The following SLC66A3 variants were observed in gnomAD, a reference collection of about 807,000 sequenced individuals.
SLC66A3 encodes PQ loop repeat containing 3.
SLC66A3 carries 23 observed loss-of-function variants against 25.5 expected under a neutral mutation model. The observed-to-expected ratio is 0.90, with a 90% CI of 0.65 to 1.28. The LOEUF is 1.28. Ranked by LOEUF, SLC66A3 falls within the 50% of genes most tolerant of loss-of-function variation. The pLI is 0.00. For missense variants in SLC66A3, 246 were observed against 262.1 expected (o/e 0.94, Z 0.42); for synonymous variants, 108 against 112.6 (o/e 0.96, Z 0.26).
intron 3 of SLC66A3, 170 bp downstream of exon 3, chr2:11,160,864 G>A: frequency 9.1e-7 from 1 of 1,099,264 alleles, no homozygotes; most frequent in South Asian, 1.7e-5. Context: ...GATGCCCTCA[G>A]TACAGCCCCT....
At chr2:11,177,315 C>G (rs1662790204) in intron 6 of SLC66A3, among the ~76,000 whole-genome samples, 1 of 152,054 alleles carries the variant, frequency 6.6e-6, no homozygotes, top group Non-Finnish European at 1.5e-5. Flanking sequence ...CAAAAAATAG[C>G]CAGGCGTGGT....
chr2:11,176,975 T>A lies in SLC66A3; in HGVS notation c.518-762T>A, dbSNP rs574974149. 1.1e-4 allele frequency among the ~76,000 whole-genome samples: 16 copies of A among 151,922 alleles called. No homozygotes were observed. The East Asian group carries it at 2.9e-3, about 27-fold the overall frequency. ...AAGTCACTGTTAAAGTTATATATAT[T>A]TATTTATTTATTTTTCCACAAAGAG... On this transcript the variant is annotated intron_variant, in intron 6 of 6. Transcript: ENST00000295083.
rs140397789 is a variant in SLC66A3 at position 11,174,914 on chromosome 2, G to C, written c.476-54G>C. The C allele has an allele frequency of 5.6e-4, 726 of 1,288,602 alleles. 3 individuals carry two copies. The African/African-American group carries it at 9.5e-3, about 17-fold the overall frequency. The allele number at this position is 1,288,602 out of a possible 1,614,324, so 79.8% of individuals were successfully genotyped here. On this transcript the variant is annotated intron_variant, in intron 5 of 6. Coordinates refer to ENST00000295083, the MANE Select transcript of SLC66A3 (RefSeq NM_152391.5). ...AAAAGGGAAAGACATTATTAGCTAA[G>C]CCCCAAAATGTCCGAGAGGCAAGTT... is the stretch of plus-strand genomic sequence containing the variant.
At position 11,175,005 on chromosome 2, in the gene SLC66A3, T is replaced by C; in HGVS notation, c.513T>C (p.Phe171=). Residue 171 remains phenylalanine, a synonymous_variant, in exon 6 of 7, where the codon TTT becomes TTC. Transcript: ENST00000295083. ...CAACCTTAATGACCACCAATGATTT[T>C]ACAAGTAAGCAAAATATCTTCTCAC... ...IITTLMTTND[F]TILLRFVIML... is the part of the protein sequence containing the mutation. 6.2e-7 allele frequency: 1 copy of C among 1,607,402 alleles called. No individual in the cohort carries two copies. The highest frequency in any genetic ancestry group is 1.1e-5 in the South Asian group (1 of 89,100).
At position 11,155,592 on chromosome 2, in the gene SLC66A3, G is replaced by C; in HGVS notation, c.46G>C (p.Val16Leu). The change falls in exon 1 of 7, where the codon GTG (valine) becomes CTG (leucine). Residue 16 changes from valine (V) to leucine (L), a missense_variant. Physicochemically the swap from Val to Leu is conservative, Grantham distance 32. This residue lies in a region of SLC66A3 where 142 missense variants were observed against 130.3 expected (regional missense o/e 1.09). Transcript: ENST00000295083. ...GCTGTGTAACTGGAGCACGCTGGGCGTGTGCGCCGCGCTGAAGCTGCCGCA... is the reference window on the plus strand; with the variant it reads ...GCTGTGTAACTGGAGCACGCTGGGCCTGTGCGCCGCGCTGAAGCTGCCGCA... Reference protein sequence around the residue: ...LGLCNWSTLGVCAALKLPQIS... With the variant: ...LGLCNWSTLGLCAALKLPQIS... 1 of 1,517,612 alleles carries C rather than the reference G, an allele frequency of 6.6e-7. No individual in the cohort carries two copies. Among genetic ancestry groups the C allele is most frequent in the South Asian group, 1.2e-5 (1 of 82,088 alleles). 94.0% of individuals were successfully genotyped at this position (1,517,612 alleles called of 1,614,324 possible).
intron 3 of SLC66A3, among the ~76,000 whole-genome samples, chr2:11,161,359 G>A (rs1310894979): frequency 6.6e-6 from 1 of 151,910 alleles, no homozygotes; most frequent in Admixed American, 6.6e-5. Flanking sequence ...GCTCACTGCA[G>A]CCTTGACCTC....
intron 3 of SLC66A3, 135 bp downstream of exon 3, chr2:11,160,829 TGCAAA>T (rs1662099461): frequency 7.6e-7 from 1 of 1,308,694 alleles, no homozygotes; most frequent in African/African-American, 1.5e-5. Context: ...AAATCCCAAA[TGCAAA>T]CGTGTCCATG....
At chr2:11,159,822 T>C (rs1662047770) in intron 1 of SLC66A3, among the ~76,000 whole-genome samples, 1 of 152,160 alleles carries the variant, frequency 6.6e-6, no homozygotes, top group African/African-American at 2.4e-5. Context: ...CTGCCTTTTC[T>C]TCTGAGAATG....
intron 1 of SLC66A3, among the ~76,000 whole-genome samples, chr2:11,157,875 TG>T (rs1476325473): frequency 2.0e-5 from 3 of 152,190 alleles, no homozygotes; most frequent in Admixed American, 1.3e-4. Flanking sequence ...AGGGCTCTGC[TG>T]GGCTCTGCCT....
chr2:11,167,768 AGAGCT>A (rs1342157731), intron 4 of SLC66A3, among the ~76,000 whole-genome samples: 1 of 152,118 alleles, frequency 6.6e-6, no homozygotes, highest in East Asian at 1.9e-4. Context: ...CAGGGCCTTC[AGAGCT>A]CACACATGGT....
chr2:11,169,192 G>A (rs1021416491), intron 4 of SLC66A3, among the ~76,000 whole-genome samples: 6 of 152,056 alleles, frequency 3.9e-5, no homozygotes, highest in African/African-American at 1.4e-4. Context: ...TCCAAGTGAC[G>A]CCTTCTCTCC....
chr2:11,157,965 C>T (rs886253900), intron 1 of SLC66A3, among the ~76,000 whole-genome samples: 3 of 152,218 alleles, frequency 2.0e-5, no homozygotes, highest in East Asian at 3.9e-4. Context: ...CCATGGACTG[C>T]GGCCCTCCCA....
At chr2:11,172,768 CA>C (rs1391039352) in intron 5 of SLC66A3, 1 of 441,734 alleles carries the variant, frequency 2.3e-6, no homozygotes, top group African/African-American at 2.0e-5. Flanking sequence ...CTCTCTCTCA[CA>C]GGCTGGAGTG....
At chr2:11,157,481 C>T (rs1008871924) in intron 1 of SLC66A3, among the ~76,000 whole-genome samples, 1 of 152,224 alleles carries the variant, frequency 6.6e-6, no homozygotes, top group Non-Finnish European at 1.5e-5. Context: ...CTGCCTGCCT[C>T]CCTCATGCCC....
intron 5 of SLC66A3, among the ~76,000 whole-genome samples, chr2:11,174,758 T>C (rs375081094): frequency 1.8e-4 from 27 of 152,306 alleles, no homozygotes; most frequent in African/African-American, 6.3e-4. Flanking sequence ...TGGCTAGTTT[T>C]TATGTAATTA....
intron 4 of SLC66A3, among the ~76,000 whole-genome samples, chr2:11,164,469 G>A (rs1662244248): frequency 6.7e-6 from 1 of 150,026 alleles, no homozygotes; most frequent in African/African-American, 2.5e-5. Flanking sequence ...AGCCTCTCGA[G>A]TAGCTGGGAT....
chr2:11,170,083 C>T (rs1238184741), intron 4 of SLC66A3, among the ~76,000 whole-genome samples: 4 of 152,118 alleles, frequency 2.6e-5, no homozygotes, highest in African/African-American at 9.7e-5. Context: ...GTGATCTGCC[C>T]GCCTCGGCCT....
intron 3 of SLC66A3, among the ~76,000 whole-genome samples, chr2:11,161,165 A>T (rs960098973): frequency 9.9e-5 from 15 of 152,060 alleles, no homozygotes; most frequent in Non-Finnish European, 1.0e-4. Context: ...GTTCCTGCTC[A>T]GTGGCACTTC....
intron 3 of SLC66A3, among the ~76,000 whole-genome samples, chr2:11,162,508 C>G (rs1430127612): frequency 1.3e-5 from 2 of 152,202 alleles, no homozygotes; most frequent in African/African-American, 4.8e-5. Flanking sequence ...GATGGCGAGT[C>G]TGTAGTATCA....
Sources: allele counts gnomAD v4.1 joint callset (sites outside exome capture counted in the v4.1 genomes callset), GRCh38; gene constraint gnomAD v4.1.1; regional missense constraint gnomAD v4.1.1; transcripts MANE v1.5; gene names NCBI Gene and HGNC (gene_info 2026-07-23, HGNC 2026-07-21).